The following TDRD1 variants were observed in gnomAD, a reference collection of about 807,000 sequenced individuals.
TDRD1 encodes tudor domain containing 1.
Under a neutral mutation model 140.6 loss-of-function variants are expected in TDRD1, and 37 were observed. The ratio of observed to expected loss-of-function variants is 0.26; its 90% CI spans 0.20 to 0.35. The LOEUF is 0.35. TDRD1 is among the 10% of genes least tolerant of loss of function. The probability of loss-of-function intolerance (pLI) is 1.00; values close to 1 mark genes in which losing one functional copy is unlikely to be tolerated. For synonymous variants in TDRD1, 506 were observed against 475.7 expected, an observed-to-expected ratio of 1.06 and a Z score of -0.83; for missense variants, 1,243 against 1,393.0, an observed-to-expected ratio of 0.89 and a Z score of 1.71.
upstream of TDRD1, among the ~76,000 whole-genome samples, chr10:114,178,808 G>T (rs1257352711): frequency 6.8e-6 from 1 of 146,104 alleles, no homozygotes; most frequent in Non-Finnish European, 1.5e-5. Context: ...TGATAAGGTA[G>T]AAACTAGATG....
chr10:114,213,799 A>T (rs1321358185), intron 15 of TDRD1, among the ~76,000 whole-genome samples, 178 bp from the exon 16 acceptor site: 2 of 152,206 alleles, frequency 1.3e-5, no homozygotes, highest in Non-Finnish European at 2.9e-5. Flanking sequence ...AGAAATGTAA[A>T]TTTGAAATTT....
At chr10:114,223,996 C>G (rs760722333) in intron 21 of TDRD1, among the ~76,000 whole-genome samples, 5 of 152,198 alleles carry the variant, frequency 3.3e-5, no homozygotes, top group African/African-American at 7.2e-5. Flanking sequence ...TTCTGCCCCC[C>G]ACACTGTGTT....
At chr10:114,180,087 G>C (rs2032913612) in intron 1 of TDRD1, 1 of 152,258 alleles carries the variant, frequency 6.6e-6, no homozygotes, top group Non-Finnish European at 1.5e-5. Context: ...TTATCTGTAG[G>C]AATAACGAAA....
intron 3 of TDRD1, among the ~76,000 whole-genome samples, chr10:114,191,846 G>A (rs914262931): frequency 6.6e-6 from 1 of 152,172 alleles, no homozygotes; most frequent in African/African-American, 2.4e-5. Flanking sequence ...GGGTGTATGA[G>A]AGCTTCAGTT....
At chr10:114,220,467 G>T in intron 18 of TDRD1, 101 bp from the exon 19 acceptor site, 1 of 750,550 alleles carries the variant, frequency 1.3e-6, no homozygotes, top group South Asian at 1.7e-5. Flanking sequence ...GAGAATTGCT[G>T]ACCTGAAAGT....
At chr10:114,192,960 T>A (rs2034090392) in intron 3 of TDRD1, among the ~76,000 whole-genome samples, 1 of 152,242 alleles carries the variant, frequency 6.6e-6, no homozygotes, top group Admixed American at 6.5e-5. Context: ...TTTAGAATAA[T>A]CTCATCTCTA....
At chr10:114,203,552 G>A (rs1345127223) in exon 8 of TDRD1, 3 of 1,606,774 alleles carry the variant, frequency 1.9e-6, no homozygotes. Flanking sequence ...GTATTGCCAA[G>A]TACACTGTTG....
In TDRD1 at chr10:114,202,403, G is replaced by A. The variant is rs878980660; in HGVS notation, c.696+105G>A. 13 of 741,944 alleles carry A rather than the reference G, an allele frequency of 1.8e-5. No individual in the cohort carries two copies. The Admixed American group carries it at 4.1e-4, about 23-fold the overall frequency. The allele number at this position is 741,944 out of a possible 1,614,324, so 46.0% of individuals were successfully genotyped here. ...TTCTGTATTTTATCAATATTTAAAG[G>A]CAAGTTTCCTATTATATAAATATGT... is the stretch of plus-strand genomic sequence containing the variant. On this transcript the variant is annotated intron_variant, in intron 6 of 25. Transcript: ENST00000251864.
chr10:114,199,953 T>C (rs2034620435), intron 4 of TDRD1, among the ~76,000 whole-genome samples: 1 of 152,220 alleles, frequency 6.6e-6, no homozygotes, highest in South Asian at 2.1e-4. Context: ...TGTTTTCATT[T>C]ATTGTGGGTG....
chr10:114,180,863 T>C (rs1324704688), intron 1 of TDRD1, among the ~76,000 whole-genome samples: 2 of 152,210 alleles, frequency 1.3e-5, no homozygotes, highest in African/African-American at 4.8e-5. Context: ...AAATGACAGC[T>C]GAGTATCTGT....
upstream of TDRD1, among the ~76,000 whole-genome samples, chr10:114,177,515 T>C (rs2032721227): frequency 6.6e-6 from 1 of 152,174 alleles, no homozygotes; most frequent in Non-Finnish European, 1.5e-5. Context: ...ACAAAAGGCC[T>C]GAGAGTACTC....
intron 9 of TDRD1, 87 bp from the exon 10 acceptor site, chr10:114,204,635 T>A: frequency 1.5e-6 from 2 of 1,323,936 alleles, no homozygotes; most frequent in Non-Finnish European, 1.0e-6. Context: ...GTTTTCAGCA[T>A]GAAATACATT....
intron 1 of TDRD1, among the ~76,000 whole-genome samples, chr10:114,181,310 G>GA (rs1430775977): frequency 3.9e-5 from 6 of 152,162 alleles, no homozygotes; most frequent in Admixed American, 1.3e-4. Flanking sequence ...CTAGTAGCAT[G>GA]AAAAAATAGT....
At chr10:114,222,164 A>T (rs2036182585) in intron 20 of TDRD1, among the ~76,000 whole-genome samples, 1 of 152,218 alleles carries the variant, frequency 6.6e-6, no homozygotes, top group Non-Finnish European at 1.5e-5. Flanking sequence ...CTGTGTACTA[A>T]AAAGCAGGAG....
At chr10:114,210,906 G>T in exon 13 of TDRD1, 1 of 1,614,136 alleles carries the variant, frequency 6.2e-7, no homozygotes, top group South Asian at 1.1e-5. Flanking sequence ...ACTGTGATCA[G>T]TTGCCTCCAC....
At chr10:114,226,742 A>C (rs1379334593) in intron 22 of TDRD1, among the ~76,000 whole-genome samples, 1 of 152,236 alleles carries the variant, frequency 6.6e-6, no homozygotes, top group Non-Finnish European at 1.5e-5. Flanking sequence ...GAGGACTTGC[A>C]GATAATACCA....
intron 2 of TDRD1, among the ~76,000 whole-genome samples, chr10:114,189,903 A>C (rs2033834950): frequency 6.6e-6 from 1 of 152,272 alleles, no homozygotes; most frequent in African/African-American, 2.4e-5. Context: ...CGGGATAATC[A>C]GTGAATTCTA....
intron 6 of TDRD1, among the ~76,000 whole-genome samples, chr10:114,202,756 A>T (rs2034842150): frequency 6.6e-6 from 1 of 152,234 alleles, no homozygotes; most frequent in South Asian, 2.1e-4. Context: ...GACTTCAGGT[A>T]TTCATTCTTA....
At chr10:114,222,645 G>A (rs770256569) in exon 21 of TDRD1, 35 of 1,613,294 alleles carry the variant, frequency 2.2e-5, no homozygotes, top group African/African-American at 8.0e-5. Flanking sequence ...GCAATGCTCC[G>A]AAAAGTCGAC....
Sources: gnomAD v4.1 joint callset for allele counts (sites outside exome capture counted in the v4.1 genomes callset) on GRCh38, gnomAD v4.1.1 for gene constraint, MANE v1.5 for transcripts, NCBI Gene and HGNC (gene_info 2026-07-23, HGNC 2026-07-21) for gene names.